The following SOCS7 variants were observed in gnomAD, a reference collection of about 807,000 sequenced individuals.
SOCS7 encodes the protein NAP-4.
Under a neutral mutation model 58.9 loss-of-function variants are expected in SOCS7, and 18 were observed. That is an observed-to-expected ratio of 0.31 (90% confidence interval 0.21 to 0.45). The LOEUF (loss-of-function observed/expected upper bound fraction) is 0.45, where lower values mean the gene tolerates loss of function less well. Among genes scored for constraint, SOCS7 ranks in the 20% least tolerant of loss-of-function variants. The pLI, the probability that SOCS7 is intolerant of heterozygous loss-of-function variation, is 1.00. For missense variants in SOCS7, 667 were observed against 837.3 expected, an observed-to-expected ratio of 0.80 and a Z score of 2.51; for synonymous variants, 388 against 364.3, an observed-to-expected ratio of 1.06 and a Z score of -0.74.
intron 6 of SOCS7, among the ~76,000 whole-genome samples, chr17:38,376,441 G>A (rs1413640830): frequency 3.9e-5 from 6 of 151,954 alleles, no homozygotes; most frequent in Non-Finnish European, 8.8e-5. Flanking sequence ...TCTTATCAAC[G>A]TTACAAGGAA....
At position 38,377,736 on chromosome 17, in the gene SOCS7, T is replaced by C. The variant is rs1199538583; in HGVS notation, c.1575T>C (p.His525=). Residue 525 remains histidine, a synonymous_variant, in exon 7 of 10, where the codon CAT becomes CAC. Coordinates refer to ENST00000612932, the MANE Select transcript of SOCS7 (RefSeq NM_014598.4). ...HYRGTFSLWC[H]PKFEDRCQSV... is the part of the protein sequence containing the mutation. ...CAGGAACCTTCAGCCTGTGGTGTCATCCCAAGTTTGAGGACCGCTGTCAAT... is the reference window on the plus strand; with the variant it reads ...CAGGAACCTTCAGCCTGTGGTGTCACCCCAAGTTTGAGGACCGCTGTCAAT... 1.9e-6 allele frequency: 3 copies of C among 1,612,470 alleles called. No homozygotes were observed. The highest frequency in any genetic ancestry group is 1.7e-5 in the Admixed American group (1 of 59,800).
chr17:38,384,437 C>T (rs898833608), intron 7 of SOCS7, among the ~76,000 whole-genome samples: 5 of 152,078 alleles, frequency 3.3e-5, no homozygotes, highest in Non-Finnish European at 7.4e-5. Context: ...GGACTACAGG[C>T]ATGGGCCACC....
intron 7 of SOCS7, among the ~76,000 whole-genome samples, chr17:38,380,959 A>T (rs2037993087): frequency 6.6e-6 from 1 of 152,184 alleles, no homozygotes; most frequent in African/African-American, 2.4e-5. Context: ...TAAGTTACTT[A>T]CTCTAAAGGT....
intron 7 of SOCS7, among the ~76,000 whole-genome samples, chr17:38,378,920 G>A (rs1173410186): frequency 6.6e-5 from 10 of 152,142 alleles, no homozygotes; most frequent in African/African-American, 1.9e-4. Flanking sequence ...TACTTTGGGA[G>A]GCTGAGACAG....
At chr17:38,370,265 T>G (rs991472006) in intron 6 of SOCS7, among the ~76,000 whole-genome samples, 3 of 152,222 alleles carry the variant, frequency 2.0e-5, no homozygotes, top group Non-Finnish European at 2.9e-5. Context: ...CCCAAAGTGC[T>G]GGGATGACAC....
At chr17:38,381,540 C>T (rs1034783729) in intron 7 of SOCS7, among the ~76,000 whole-genome samples, 1 of 152,102 alleles carries the variant, frequency 6.6e-6, no homozygotes, top group African/African-American at 2.4e-5. Context: ...GGGATAGTAC[C>T]GTCTCCTTTT....
chr17:38,389,908 G>T (rs796190185), intron 7 of SOCS7, among the ~76,000 whole-genome samples: 694 of 6,046 alleles, frequency 0.11, 25 homozygotes, highest in Middle Eastern at 0.3. Context: ...TACACATATA[G>T]AGAGAGAGAG....
At chr17:38,391,699 C>T (rs1416994555) in intron 7 of SOCS7, among the ~76,000 whole-genome samples, 2 of 152,210 alleles carry the variant, frequency 1.3e-5, no homozygotes, top group African/African-American at 4.8e-5. Flanking sequence ...CCGCACTGGG[C>T]CTTCTTTTAC....
At chr17:38,355,976 C>T (rs900193493) in intron 1 of SOCS7, among the ~76,000 whole-genome samples, 7 of 152,070 alleles carry the variant, frequency 4.6e-5, no homozygotes, top group Non-Finnish European at 8.8e-5. Flanking sequence ...CTCTGCTTCC[C>T]GGGTTCAAGC....
At chr17:38,384,486 G>T (rs912588192) in intron 7 of SOCS7, among the ~76,000 whole-genome samples, 3 of 152,006 alleles carry the variant, frequency 2.0e-5, no homozygotes, top group Non-Finnish European at 2.9e-5. Context: ...TTGAGACAAG[G>T]TGTTTCTATG....
Position 38,396,005 on chromosome 17 carries a change from G to T in SOCS7, c.*30+7G>T. 1 of 1,563,288 alleles carries T rather than the reference G, an allele frequency of 6.4e-7. No individual in the cohort carries two copies. On this transcript the variant is annotated splice_region_variant and intron_variant, in intron 9 of 9. Coordinates refer to ENST00000612932, the MANE Select transcript of SOCS7 (RefSeq NM_014598.4). The stretch of plus-strand genomic sequence containing the variant: ...CTGCTGGTCACCACCAAGGGTATGA[G>T]CTCTCTGCCTCACTGCCCAGCCACA...
chr17:38,389,908 G>GTATATAT (rs2038146914), intron 7 of SOCS7, among the ~76,000 whole-genome samples: 1 of 6,780 alleles, frequency 1.5e-4, no homozygotes, highest in Non-Finnish European at 3.6e-4. Context: ...TACACATATA[G>GTATATAT]AGAGAGAGAG....
At chr17:38,390,734 T>C (rs116561130) in intron 7 of SOCS7, among the ~76,000 whole-genome samples, 478 of 148,724 alleles carry the variant, frequency 3.2e-3, no homozygotes, top group African/African-American at 0.011. Flanking sequence ...TGTCCCACTG[T>C]CACCCAGTCT....
At position 38,387,082 on chromosome 17, in the gene SOCS7, TAAAAAAAA is replaced by T. The variant is rs1214323571; in HGVS notation, c.1682-8213_1682-8206del. On this transcript the variant is annotated intron_variant, in intron 7 of 9. Coordinates refer to ENST00000612932, the MANE Select transcript of SOCS7 (RefSeq NM_014598.4). ...GGGCGACAGAGCGAGACTCTTATCT[TAAAAAAAA>T]AAAAAAAAAAAAATATATATATATA... 5.1e-4 allele frequency among the ~76,000 whole-genome samples: 25 copies of T among 48,652 alleles called. 1 individual carries two copies. The highest frequency in any genetic ancestry group is 2.9e-3 in the African/African-American group (21 of 7,188). 31.9% of individuals were successfully genotyped at this position (48,652 alleles called of 152,430 possible). A position where few individuals can be genotyped will look rare whatever the true frequency, so the allele number is the denominator to read the frequency against.
chr17:38,354,025 G>A (rs2037599296), intron 1 of SOCS7, among the ~76,000 whole-genome samples: 2 of 152,340 alleles, frequency 1.3e-5, no homozygotes, highest in Admixed American at 6.5e-5. Context: ...TAGGCCGATT[G>A]ATGAAAATTC....
intron 7 of SOCS7, among the ~76,000 whole-genome samples, chr17:38,382,124 AT>A (rs2038011259): frequency 6.6e-6 from 1 of 151,458 alleles, no homozygotes; most frequent in African/African-American, 2.4e-5. Flanking sequence ...GAAGAAAAAA[AT>A]ATCTTTAAAA....
chr17:38,352,369 C>A lies in SOCS7; in HGVS notation c.317C>A (p.Pro106Gln). 2.1e-6 allele frequency: 3 copies of A among 1,443,692 alleles called. No individual in the cohort carries two copies. The highest frequency in any genetic ancestry group is 3.0e-5 in the African/African-American group (2 of 66,430). 89.4% of individuals were successfully genotyped at this position (1,443,692 alleles called of 1,614,324 possible). A position where few individuals can be genotyped will look rare whatever the true frequency, so the allele number is the denominator to read the frequency against. Residue 106 changes from proline to glutamine, a missense_variant, in exon 1 of 10, where the codon CCG becomes CAG. Transcript: ENST00000612932. This position sits in a 1 kb window ranked among gnomAD's most constrained non-coding sequence, Gnocchi z 5.5. ...GCCCTGGACCCCAAGGCCCTGCCGC[C>A]GGGCTTGGCGCTCGAGCGGACCTGG... ...RCALDPKALP[P>Q]GLALERTWGP...
rs2037558226 is a variant in SOCS7, at chr17:38,351,969, G to A, written c.-84G>A. On this transcript the variant is annotated 5_prime_UTR_variant, in exon 1 of 10. Coordinates refer to ENST00000612932, the MANE Select transcript of SOCS7 (RefSeq NM_014598.4). Reference sequence around the variant, plus strand: ...CGTTAGCGCTGTCGCTCCGGGGGCCGCGGCGGGCGGGGCTCCGGCGGGGCC... The same window carrying A: ...CGTTAGCGCTGTCGCTCCGGGGGCCACGGCGGGCGGGGCTCCGGCGGGGCC... 6.6e-6 allele frequency among the ~76,000 whole-genome samples: 1 copy of A among 151,162 alleles called. No homozygotes were observed. The highest frequency in any genetic ancestry group is 1.5e-5 in the Non-Finnish European group (1 of 67,674).
intron 7 of SOCS7, among the ~76,000 whole-genome samples, chr17:38,382,128 C>A (rs1371511722): frequency 2.0e-5 from 3 of 151,380 alleles, no homozygotes; most frequent in African/African-American, 7.3e-5. Context: ...AAAAAAATAT[C>A]TTTAAAAAAT....
Sources: gnomAD v4.1 joint callset for allele counts (sites outside exome capture counted in the v4.1 genomes callset) on GRCh38, gnomAD v4.1.1 for gene constraint, Gnocchi (gnomAD v3.1) non-coding constraint, MANE v1.5 for transcripts, NCBI Gene and HGNC (gene_info 2026-07-23, HGNC 2026-07-21) for gene names.